The following CCDC178 variants were observed in gnomAD, a reference collection of about 807,000 sequenced individuals.
CCDC178 encodes coiled-coil domain containing 178.
Under a neutral mutation model 117.4 loss-of-function variants are expected in CCDC178, and 126 were observed. That is an observed-to-expected ratio of 1.07 (90% CI 0.93 to 1.24). The LOEUF is 1.24. Ranked by LOEUF, CCDC178 falls within the 50% of genes most tolerant of loss-of-function variation. CCDC178 has a pLI of 0.00. For missense variants in CCDC178, 1,030 were observed against 986.9 expected (o/e 1.04, Z -0.59); for synonymous variants, 283 against 313.4 (o/e 0.90, Z 1.02).
At chr18:33,258,759 TACA>T (rs2059709095) in intron 14 of CCDC178, among the ~76,000 whole-genome samples, 1 of 152,210 alleles carries the variant, frequency 6.6e-6, no homozygotes, top group African/African-American at 2.4e-5. Context: ...AGTATAAACT[TACA>T]ACATTAGTTT....
chr18:33,201,948 A>G (rs1187877254), intron 20 of CCDC178, among the ~76,000 whole-genome samples: 1 of 152,054 alleles, frequency 6.6e-6, no homozygotes, highest in East Asian at 1.9e-4. Flanking sequence ...TCTGTCTTCA[A>G]ATATTTTCTA....
intron 20 of CCDC178, among the ~76,000 whole-genome samples, chr18:33,142,746 T>G (rs182101818): frequency 1.1e-4 from 16 of 152,286 alleles, no homozygotes; most frequent in Admixed American, 4.6e-4. Context: ...ATTTCACCAT[T>G]TATTTTAATT....
Position 33,276,028 on chromosome 18 carries a change from G to A in CCDC178, c.1177-8731C>T, listed in dbSNP as rs116519784. On this transcript the variant is annotated intron_variant, in intron 12 of 22. Transcript: ENST00000383096. ...AAGACCCTGTTTCTAAAGTAAGTGA[G>A]TAAATAAATAAATAAATAAATAAAT... Among the ~76,000 whole-genome samples, 5 of 146,858 alleles carry A rather than the reference G, an allele frequency of 3.4e-5. No individual in the cohort carries two copies. The South Asian group carries it at 8.7e-4, about 26-fold the overall frequency.
At chr18:32,976,094 T>C (rs1458807874) in intron 21 of CCDC178, among the ~76,000 whole-genome samples, 1 of 152,126 alleles carries the variant, frequency 6.6e-6, no homozygotes, top group Admixed American at 6.5e-5. Flanking sequence ...TTGAAAACTA[T>C]AGGTATTTCA....
intron 17 of CCDC178, 120 bp from the exon 18 acceptor site, chr18:33,223,339 G>T: frequency 9.0e-7 from 1 of 1,117,098 alleles, no homozygotes; most frequent in African/African-American, 1.6e-5. Context: ...CAAATAAAGG[G>T]AAAGAACCAT....
At chr18:33,177,031 T>C (rs1472002039) in intron 20 of CCDC178, among the ~76,000 whole-genome samples, 2 of 152,186 alleles carry the variant, frequency 1.3e-5, no homozygotes, top group African/African-American at 2.4e-5. Context: ...AACCATCTTA[T>C]TGAATGAACT....
chr18:32,962,080 T>C (rs2054715872), intron 22 of CCDC178, among the ~76,000 whole-genome samples: 2 of 151,954 alleles, frequency 1.3e-5, no homozygotes, highest in South Asian at 4.1e-4. Flanking sequence ...TCACTTTTCA[T>C]TTTTAAAAGA....
chr18:33,105,710 T>C (rs1239419141), intron 20 of CCDC178, among the ~76,000 whole-genome samples: 1 of 151,674 alleles, frequency 6.6e-6, no homozygotes, highest in Non-Finnish European at 1.5e-5. Context: ...TCCAGTTCCT[T>C]AAATCCTAGT....
chr18:33,228,481 G>A (rs1733616457), intron 15 of CCDC178, among the ~76,000 whole-genome samples: 1 of 152,168 alleles, frequency 6.6e-6, no homozygotes, highest in Non-Finnish European at 1.5e-5. Flanking sequence ...AAATAGATAA[G>A]AAGCCTGAAG....
At chr18:33,348,798 A>G in intron 8 of CCDC178, 92 bp downstream of exon 8, 1 of 799,556 alleles carries the variant, frequency 1.3e-6, no homozygotes, top group Admixed American at 2.4e-5. Context: ...AAAATTCTTA[A>G]ACATGATTAT....
chr18:32,947,226 C>A (rs2144610858), intron 22 of CCDC178, among the ~76,000 whole-genome samples: 1 of 152,242 alleles, frequency 6.6e-6, no homozygotes, highest in African/African-American at 2.4e-5. Context: ...GAGAAAACAA[C>A]AAGATGTGTA....
chr18:33,223,053 C>A, intron 18 of CCDC178, 53 bp downstream of exon 18: 6 of 1,316,070 alleles, frequency 4.6e-6, no homozygotes, highest in Non-Finnish European at 5.3e-6. Context: ...ATAGTTTTCA[C>A]TGACATACAT....
intron 21 of CCDC178, among the ~76,000 whole-genome samples, chr18:33,043,332 AAT>A (rs1194802548): frequency 6.6e-6 from 1 of 152,116 alleles, no homozygotes; most frequent in Non-Finnish European, 1.5e-5. Context: ...ATCATAGAAC[AAT>A]ATGTTTATTC....
intron 11 of CCDC178, among the ~76,000 whole-genome samples, chr18:33,298,876 C>A (rs961517646): frequency 1.3e-5 from 2 of 151,268 alleles, no homozygotes; most frequent in Non-Finnish European, 2.9e-5. Context: ...AAGGCAATCT[C>A]ATTTAAAATA....
chr18:33,015,257 AAAG>A (rs1448633090), intron 21 of CCDC178, among the ~76,000 whole-genome samples: 1 of 149,534 alleles, frequency 6.7e-6, no homozygotes, highest in African/African-American at 2.5e-5. Context: ...TTCTGTTTCA[AAAG>A]AAGAAAAAAA....
chr18:32,968,110 G>A lies in CCDC178; in HGVS notation c.2523+6437C>T, dbSNP rs935843252. On this transcript the variant is annotated intron_variant, in intron 22 of 22. Coordinates refer to ENST00000383096, the MANE Select transcript of CCDC178 (RefSeq NM_001105528.4). ...CTTATTTCTCCTGTCTAATTGTAAC[G>A]TTGTACCTGTTGACAAATCTCTCCC... Among the ~76,000 whole-genome samples the A allele has an allele frequency of 4.0e-5, 6 of 151,746 alleles. No homozygotes were observed. The East Asian group carries it at 7.8e-4, about 20-fold the overall frequency.
intron 18 of CCDC178, among the ~76,000 whole-genome samples, chr18:33,219,253 A>C (rs1485965483): frequency 6.6e-6 from 1 of 152,082 alleles, no homozygotes; most frequent in African/African-American, 2.4e-5. Flanking sequence ...TTAGAATGGC[A>C]ATCATTAAAA....
chr18:33,378,362 AT>A (rs930179333), intron 5 of CCDC178, among the ~76,000 whole-genome samples: 2 of 152,208 alleles, frequency 1.3e-5, no homozygotes, highest in Non-Finnish European at 2.9e-5. Flanking sequence ...TTTTCTAGGT[AT>A]ACAATCATAT....
chr18:33,061,819 T>A (rs1226026388), intron 21 of CCDC178, among the ~76,000 whole-genome samples: 1 of 152,162 alleles, frequency 6.6e-6, no homozygotes, highest in Non-Finnish European at 1.5e-5. Flanking sequence ...AGATTTGGCA[T>A]GGTAGACATC....
Sources: gnomAD v4.1 joint callset for allele counts (sites outside exome capture counted in the v4.1 genomes callset) on GRCh38, gnomAD v4.1.1 for gene constraint, MANE v1.5 for transcripts, NCBI Gene and HGNC (gene_info 2026-07-23, HGNC 2026-07-21) for gene names.